The following LEO1 variants were observed in gnomAD, a reference collection of about 807,000 sequenced individuals.
LEO1 encodes the protein LEO1 component of Paf1/RNA polymerase II complex, also known as RNA polymerase-associated protein LEO1.
A neutral mutation model predicts 80.4 loss-of-function variants in LEO1; 34 were observed. The observed-to-expected ratio is 0.42, with a 90% CI of 0.32 to 0.56. LEO1 has a LOEUF of 0.56. Ranked by LOEUF, LEO1 falls within the 20% of genes least tolerant of loss-of-function variation. The probability of loss-of-function intolerance (pLI) is 0.10; values close to 1 mark genes in which losing one functional copy is unlikely to be tolerated. For missense variants in LEO1, 631 were observed against 814.2 expected (o/e 0.77, Z 2.74); for synonymous variants, 262 against 274.9 (o/e 0.95, Z 0.46).
chr15:51,951,088 G>C (rs760810027), intron 9 of LEO1, among the ~76,000 whole-genome samples: 6 of 152,232 alleles, frequency 3.9e-5, no homozygotes, highest in Non-Finnish European at 7.3e-5. Flanking sequence ...AGCAGAGCCT[G>C]ACCATAAGAT....
intron 1 of LEO1, among the ~76,000 whole-genome samples, chr15:51,970,532 A>G (rs1254133127): frequency 6.6e-6 from 1 of 152,236 alleles, no homozygotes; most frequent in Non-Finnish European, 1.5e-5. Context: ...AAAAATGAAT[A>G]AAGTACTGAT....
intron 9 of LEO1, 45 bp downstream of exon 9, chr15:51,951,799 T>A (rs374135237): frequency 6.4e-7 from 1 of 1,568,924 alleles, no homozygotes. Flanking sequence ...ACTTGCCTAA[T>A]ATACCAAAGA....
At chr15:51,942,246 T>C (rs187625121) in intron 11 of LEO1, among the ~76,000 whole-genome samples, 1,921 of 152,094 alleles carry the variant, frequency 0.013, 46 homozygotes, top group African/African-American at 0.044. Context: ...ATTTTTGTTG[T>C]CAGGGAAGGA....
At chr15:51,959,074 C>T (rs1425568146) in intron 5 of LEO1, among the ~76,000 whole-genome samples, 2 of 151,236 alleles carry the variant, frequency 1.3e-5, no homozygotes, top group African/African-American at 4.9e-5. Flanking sequence ...ACGATCTCGG[C>T]TCACCACAAC....
intron 11 of LEO1, among the ~76,000 whole-genome samples, chr15:51,945,497 T>C (rs928456240): frequency 2.0e-5 from 3 of 152,120 alleles, no homozygotes; most frequent in African/African-American, 7.2e-5. Flanking sequence ...TACTCAAAGA[T>C]CACCATTCCA....
In LEO1 at chr15:51,960,734, C is replaced by A. The variant is rs1291965511; in HGVS notation, c.920-1G>T. ...AATAAATCCATGGTTCCACTATTAT[C>A]TTCAATGCAGAAGGAAAAAGGCATT... On this transcript the variant is annotated splice_acceptor_variant, in intron 3 of 11. Coordinates refer to ENST00000299601, the MANE Select transcript of LEO1 (RefSeq NM_138792.4). LOFTEE classifies it high-confidence loss of function. The A allele has an allele frequency of 6.4e-7, 1 of 1,572,446 alleles. No homozygotes were observed. Among genetic ancestry groups the A allele is most frequent in the Non-Finnish European group, 8.8e-7 (1 of 1,142,068 alleles).
At chr15:51,968,875 A>G (rs962904614) in intron 1 of LEO1, among the ~76,000 whole-genome samples, 32 of 152,278 alleles carry the variant, frequency 2.1e-4, no homozygotes, top group African/African-American at 6.7e-4. Context: ...ATGGAAGAAA[A>G]TATTTGCAAA....
In LEO1 at chr15:51,947,384, G is replaced by C. The variant is rs1262249724; in HGVS notation, c.1804C>G (p.Arg602Gly). 11 of 1,606,964 alleles carry C rather than the reference G, an allele frequency of 6.8e-6. No individual in the cohort carries two copies. Among genetic ancestry groups the C allele is most frequent in the Non-Finnish European group, 9.4e-6 (11 of 1,175,940 alleles). Reference sequence around the variant, plus strand: ...CTGTCTGATGAATAGATTCTGGCTCGTTCCTCTGAAAGCAAAAGTACAGAT... The same window carrying C: ...CTGTCTGATGAATAGATTCTGGCTCCTTCCTCTGAAAGCAAAAGTACAGAT... ...NRYKGGIREE[R>G]ARIYSSDSDE... Residue 602 changes from arginine to glycine, a missense_variant, in exon 11 of 12, where the codon CGA (arginine) becomes GGA (glycine). Arg to Gly is a moderately radical substitution (Grantham distance 125). Around this residue, in one of 4 missense-constraint regions of LEO1, gnomAD observed 117 missense variants for 163.5 expected, o/e 0.72. Transcript: ENST00000299601.
At chr15:51,969,298 T>C (rs1237523846) in intron 1 of LEO1, among the ~76,000 whole-genome samples, 1 of 151,414 alleles carries the variant, frequency 6.6e-6, no homozygotes, top group Non-Finnish European at 1.5e-5. Context: ...TGAATAGACA[T>C]TTCTCCAAAC....
chr15:51,966,313 A>G lies in LEO1; in HGVS notation c.250T>C (p.Ser84Pro), dbSNP rs752979979. 5.0e-6 allele frequency: 8 copies of G among 1,613,978 alleles called. No homozygotes were observed. The African/African-American group carries it at 9.3e-5, about 19-fold the overall frequency. Reference sequence around the variant, plus strand: ...TCAGAAGCTTCTGATCTATTGTCTGATCTTTCAGAGTGATTATCACTACCA... The same window carrying G: ...TCAGAAGCTTCTGATCTATTGTCTGGTCTTTCAGAGTGATTATCACTACCA... ...HSGSDNHSER[S>P]DNRSEASERS... The change falls in exon 2 of 12, where the codon TCA (serine) becomes CCA (proline). Residue 84 changes from serine (S) to proline (P), a missense_variant. Ser to Pro is a moderately conservative substitution (Grantham distance 74). Around this residue, in one of 4 missense-constraint regions of LEO1, gnomAD observed 394 missense variants for 395.6 expected, o/e 1.00. Transcript: ENST00000299601.
At chr15:51,963,897 CAAAAAAAAAA>C (rs1217618326) in intron 2 of LEO1, among the ~76,000 whole-genome samples, 1 of 57,534 alleles carries the variant, frequency 1.7e-5, no homozygotes, top group Non-Finnish European at 3.3e-5. Flanking sequence ...GACTCTGTCT[CAAAAAAAAAA>C]AAAAAAAAAA....
At chr15:51,968,977 T>C (rs1415874114) in intron 1 of LEO1, among the ~76,000 whole-genome samples, 2 of 152,224 alleles carry the variant, frequency 1.3e-5, no homozygotes, top group African/African-American at 4.8e-5. Context: ...TTTGTTCGTT[T>C]GTTTTCTTGG....
chr15:51,939,750 T>C (rs993739425), intron 11 of LEO1, among the ~76,000 whole-genome samples: 1 of 152,252 alleles, frequency 6.6e-6, no homozygotes, highest in Non-Finnish European at 1.5e-5. Flanking sequence ...TTGGTGTGTT[T>C]GTCTTTTCAG....
intron 5 of LEO1, among the ~76,000 whole-genome samples, chr15:51,959,427 A>G (rs2057013494): frequency 6.6e-6 from 1 of 152,232 alleles, no homozygotes; most frequent in Admixed American, 6.5e-5. Context: ...TAGGCAACAT[A>G]TGCTCTAGCT....
chr15:51,963,984 A>G (rs2057053622), intron 2 of LEO1, among the ~76,000 whole-genome samples: 3 of 151,698 alleles, frequency 2.0e-5, no homozygotes, highest in Non-Finnish European at 4.4e-5. Flanking sequence ...AAGCAGGCGG[A>G]TCACGAGGTC....
At chr15:51,944,901 A>G (rs1001240690) in intron 11 of LEO1, among the ~76,000 whole-genome samples, 3 of 152,234 alleles carry the variant, frequency 2.0e-5, no homozygotes, top group Non-Finnish European at 4.4e-5. Context: ...TGGTAGAAGC[A>G]GGATTCCAAC....
intron 6 of LEO1, among the ~76,000 whole-genome samples, chr15:51,957,634 G>A (rs907460924): frequency 6.6e-6 from 1 of 152,198 alleles, no homozygotes; most frequent in Non-Finnish European, 1.5e-5. Flanking sequence ...TATTTAGGTA[G>A]TTGTTAATAT....
At chr15:51,967,487 A>G (rs2057087336) in intron 1 of LEO1, among the ~76,000 whole-genome samples, 4 of 152,198 alleles carry the variant, frequency 2.6e-5, no homozygotes, top group South Asian at 2.1e-4. Flanking sequence ...GAATAAATAA[A>G]TGATAGCTGA....
intron 11 of LEO1, among the ~76,000 whole-genome samples, chr15:51,944,488 C>A (rs1275065697): frequency 6.6e-6 from 1 of 152,010 alleles, no homozygotes; most frequent in Non-Finnish European, 1.5e-5. Context: ...CATAGCTTTA[C>A]AAAGGTACCA....
Sources: allele counts gnomAD v4.1 joint callset (sites outside exome capture counted in the v4.1 genomes callset), GRCh38; gene constraint gnomAD v4.1.1; regional missense constraint gnomAD v4.1.1; transcripts MANE v1.5; gene names NCBI Gene and HGNC (gene_info 2026-07-23, HGNC 2026-07-21).